Variants in SH3RF1 observed in about 807,000 individuals in gnomAD.
The protein encoded by SH3RF1 is SH3 domain containing ring finger 1.
In SH3RF1, 32 loss-of-function variants were observed where a neutral mutation model predicts 74.0. The ratio of observed to expected loss-of-function variants is 0.43; its 90% CI spans 0.33 to 0.58. The LOEUF (loss-of-function observed/expected upper bound fraction) is 0.58. SH3RF1 is among the 20% of genes least tolerant of loss of function. The pLI is 0.05. For synonymous variants in SH3RF1, 396 were observed against 439.6 expected (o/e 0.90, Z 1.24); for missense variants, 954 against 1,130.9 (o/e 0.84, Z 2.24).
intron 2 of SH3RF1, among the ~76,000 whole-genome samples, chr4:169,212,925 G>A (rs150524455): frequency 0.014 from 2,175 of 152,250 alleles, 50 homozygotes; most frequent in African/African-American, 0.049. Flanking sequence ...GCTTTTTCCA[G>A]AATGTAATAT....
rs56229906 is a variant in SH3RF1, at chr4:169,255,622, T to TACACACACACACACACAC, written c.393+13180_393+13197dup. ...ATACATACACACATACATACACACA[T>TACACACACACACACACAC]ACACACACACACACACACACACACA... is the stretch of plus-strand genomic sequence containing the variant. On this transcript the variant is annotated intron_variant, in intron 2 of 11. Coordinates refer to ENST00000284637, the MANE Select transcript of SH3RF1 (RefSeq NM_020870.4). Among the ~76,000 whole-genome samples the TACACACACACACACACAC allele has an allele frequency of 9.5e-3, 1,188 of 124,616 alleles. 25 individuals carry two copies. Among genetic ancestry groups the TACACACACACACACACAC allele is most frequent in the South Asian group, 0.034 (110 of 3,252 alleles). The allele number at this position is 124,616 out of a possible 152,430, so 81.8% of individuals were successfully genotyped here.
rs776791882 is a variant in SH3RF1 at position 169,269,230 on chromosome 4, A to G, written c.-18T>C. 3 of 1,537,406 alleles carry G rather than the reference A, an allele frequency of 2.0e-6. No individual in the cohort carries two copies. Among genetic ancestry groups the G allele is most frequent in the Non-Finnish European group, 1.7e-6 (2 of 1,149,808 alleles). ...TCATCCATCTTTATCTACTTTACTGAGAAAAAATCTTCAGAAATGTTCATA... is the reference window on the plus strand; with the variant it reads ...TCATCCATCTTTATCTACTTTACTGGGAAAAAATCTTCAGAAATGTTCATA... On this transcript the variant is annotated 5_prime_UTR_variant, in exon 2 of 12. Coordinates refer to ENST00000284637, the MANE Select transcript of SH3RF1 (RefSeq NM_020870.4).
intron 2 of SH3RF1, among the ~76,000 whole-genome samples, chr4:169,163,744 C>G (rs1734189242): frequency 6.6e-6 from 1 of 152,192 alleles, no homozygotes; most frequent in Admixed American, 6.5e-5. Flanking sequence ...GCTGTCATCA[C>G]CTCCAACTTC....
intron 2 of SH3RF1, among the ~76,000 whole-genome samples, chr4:169,190,404 C>T (rs1734681216): frequency 6.6e-6 from 1 of 152,002 alleles, no homozygotes; most frequent in Admixed American, 6.5e-5. Context: ...CAACTGACAA[C>T]ACAGAAATAC....
In SH3RF1 at chr4:169,208,525, ATAAT is replaced by A. The variant is rs574128970; in HGVS notation, c.394-51850_394-51847del. ...GTGTATGTGTATGATATAATAATAA[ATAAT>A]TGTTTTCATTCCTAATTACTAAATT... On this transcript the variant is annotated intron_variant, in intron 2 of 11. Coordinates refer to ENST00000284637, the MANE Select transcript of SH3RF1 (RefSeq NM_020870.4). 3.7e-4 allele frequency among the ~76,000 whole-genome samples: 56 copies of A among 152,324 alleles called. No homozygotes were observed. The Middle Eastern group carries it at 0.027, about 74-fold the overall frequency.
intron 2 of SH3RF1, among the ~76,000 whole-genome samples, chr4:169,158,285 T>C (rs1333710681): frequency 2.0e-5 from 3 of 152,132 alleles, no homozygotes; most frequent in African/African-American, 4.8e-5. Flanking sequence ...AGGAATTAGT[T>C]GTCAAGGTTG....
At chr4:169,201,932 T>A (rs1734916371) in intron 2 of SH3RF1, 2 of 152,224 alleles carry the variant, frequency 1.3e-5, no homozygotes, top group South Asian at 4.1e-4. Context: ...CAGGAGTCAG[T>A]GAACTTGGGT....
chr4:169,232,143 G>A (rs900605015), intron 2 of SH3RF1, among the ~76,000 whole-genome samples: 16 of 152,170 alleles, frequency 1.1e-4, no homozygotes, highest in African/African-American at 2.4e-4. Context: ...TGGCCAGTAC[G>A]AGCGCTAGTA....
chr4:169,254,769 C>T (rs1731159604), intron 2 of SH3RF1, among the ~76,000 whole-genome samples: 1 of 152,190 alleles, frequency 6.6e-6, no homozygotes, highest in African/African-American at 2.4e-5. Context: ...TTTATCACCA[C>T]ACTAAGAGCT....
chr4:169,182,395 T>C (rs762768768), intron 2 of SH3RF1, among the ~76,000 whole-genome samples: 23 of 152,212 alleles, frequency 1.5e-4, no homozygotes, highest in Non-Finnish European at 2.4e-4. Context: ...TTTCAGCACA[T>C]ATATAATTAA....
At chr4:169,270,154 A>T (rs1052465791) in intron 1 of SH3RF1, among the ~76,000 whole-genome samples, 1 of 152,218 alleles carries the variant, frequency 6.6e-6, no homozygotes, top group Non-Finnish European at 1.5e-5. Context: ...TGCCCAGGAG[A>T]ACGGGAGTAA....
chr4:169,167,214 C>T (rs115701127), intron 2 of SH3RF1: 3,008 of 152,808 alleles, frequency 0.02, 45 homozygotes, highest in Non-Finnish European at 0.028. Flanking sequence ...GTTTGTATAG[C>T]CATGGAAGGG....
In SH3RF1 at chr4:169,130,032, G is replaced by A. The variant is rs752942373; in HGVS notation, c.1179+14C>T. On this transcript the variant is annotated intron_variant, in intron 6 of 11. Coordinates refer to ENST00000284637, the MANE Select transcript of SH3RF1 (RefSeq NM_020870.4). ...ACCTAAAAGAGAAATAAAAATGGGA[G>A]AAACTATACTCACTCCAAGGGCAGC... 3 of 1,605,786 alleles carry A rather than the reference G, an allele frequency of 1.9e-6. No homozygotes were observed. Among genetic ancestry groups the A allele is most frequent in the East Asian group, 4.5e-5 (2 of 44,746 alleles).
chr4:169,171,524 T>C (rs1475327456), intron 2 of SH3RF1, among the ~76,000 whole-genome samples: 2 of 152,182 alleles, frequency 1.3e-5, no homozygotes, highest in Non-Finnish European at 2.9e-5. Context: ...AAGTAGAATA[T>C]GACTTATTGA....
chr4:169,246,901 A>G (rs1198792912), intron 2 of SH3RF1, among the ~76,000 whole-genome samples: 1 of 152,234 alleles, frequency 6.6e-6, no homozygotes, highest in Non-Finnish European at 1.5e-5. Flanking sequence ...TAGAAAGAAA[A>G]ACTTGAATAA....
intron 2 of SH3RF1, among the ~76,000 whole-genome samples, chr4:169,230,049 T>C (rs1224130207): frequency 8.1e-6 from 1 of 122,914 alleles, no homozygotes; most frequent in Non-Finnish European, 1.8e-5. Context: ...CTACTATAAA[T>C]ACAAAAATTA....
chr4:169,192,878 T>TAG lies in SH3RF1; in HGVS notation c.394-36200_394-36199insCT, dbSNP rs1734750395. Reference sequence around the variant, plus strand: ...ATATAGATGTGATATATATATCATATATATGTGATATGTTTCTTTTATATA... The same window carrying TAG: ...ATATAGATGTGATATATATATCATATAGATATGTGATATGTTTCTTTTATATA... On this transcript the variant is annotated intron_variant, in intron 2 of 11. Coordinates refer to ENST00000284637, the MANE Select transcript of SH3RF1 (RefSeq NM_020870.4). Among the ~76,000 whole-genome samples the TAG allele has an allele frequency of 4.1e-5, 6 of 145,784 alleles. No homozygotes were observed. The Admixed American group carries it at 4.3e-4, about 10-fold the overall frequency.
intron 11 of SH3RF1, among the ~76,000 whole-genome samples, chr4:169,099,850 G>A (rs936708586): frequency 3.3e-5 from 5 of 152,134 alleles, no homozygotes; most frequent in African/African-American, 1.2e-4. Context: ...CTCTGGGGGG[G>A]CGGGTGGAAT....
chr4:169,236,393 C>T (rs1313772549), intron 2 of SH3RF1, among the ~76,000 whole-genome samples: 1 of 152,172 alleles, frequency 6.6e-6, no homozygotes, highest in East Asian at 1.9e-4. Flanking sequence ...CGGTGTCCCT[C>T]TGCCAATCCA....
Sources: gnomAD v4.1 joint callset for allele counts (sites outside exome capture counted in the v4.1 genomes callset) on GRCh38, gnomAD v4.1.1 for gene constraint, MANE v1.5 for transcripts, NCBI Gene and HGNC (gene_info 2026-07-23, HGNC 2026-07-21) for gene names.